The following TBC1D2B variants were observed in gnomAD, a reference collection of about 807,000 sequenced individuals.
TBC1D2B encodes the protein TBC1 domain family member 2B, also known as TBC1 domain family, member 2B.
Under a neutral mutation model 100.8 loss-of-function variants are expected in TBC1D2B, and 64 were observed. The observed-to-expected ratio is 0.64, with a 90% CI of 0.52 to 0.78. The LOEUF (loss-of-function observed/expected upper bound fraction) is 0.78, where lower values mean the gene tolerates loss of function less well. Ranked by LOEUF, TBC1D2B falls within the 30% of genes least tolerant of loss-of-function variation. The pLI, the probability that TBC1D2B is intolerant of heterozygous loss-of-function variation, is 0.00. For synonymous variants in TBC1D2B, 480 were observed against 479.7 expected (o/e 1.00, Z -0.01); for missense variants, 1,052 against 1,218.4 (o/e 0.86, Z 2.03).
chr15:78,069,478 T>C (rs2073712293), intron 1 of TBC1D2B, among the ~76,000 whole-genome samples: 1 of 152,238 alleles, frequency 6.6e-6, no homozygotes, highest in Non-Finnish European at 1.5e-5. Flanking sequence ...CAACCCTTTG[T>C]ACCCAACACG....
chr15:78,064,982 T>C (rs1596330445), intron 1 of TBC1D2B, among the ~76,000 whole-genome samples: 2 of 152,328 alleles, frequency 1.3e-5, no homozygotes, highest in South Asian at 4.1e-4. Context: ...AATTGTATCT[T>C]ATTAAAATAG....
At position 78,006,149 on chromosome 15, in the gene TBC1D2B, C is replaced by T. The variant is rs77661580; in HGVS notation, c.2389-2659G>A. On this transcript the variant is annotated intron_variant, in intron 10 of 12. Coordinates refer to ENST00000300584, the MANE Select transcript of TBC1D2B (RefSeq NM_144572.2). ...GTTGTGATCTACTACATGTGACCCT[C>T]CCCCCAAGTTCCTAACCAATGTGCT... 1.0e-2 allele frequency among the ~76,000 whole-genome samples: 1,516 copies of T among 152,224 alleles called. 34 individuals carry two copies. The highest frequency in any genetic ancestry group is 0.035 in the African/African-American group (1,433 of 41,530).
At chr15:78,025,806 G>T (rs1371319680) in intron 4 of TBC1D2B, among the ~76,000 whole-genome samples, 1 of 152,074 alleles carries the variant, frequency 6.6e-6, no homozygotes, top group Non-Finnish European at 1.5e-5. Flanking sequence ...GATTACAGGC[G>T]TGAGCCACCG....
intron 2 of TBC1D2B, among the ~76,000 whole-genome samples, chr15:78,047,123 T>G (rs2073212672): frequency 6.6e-6 from 1 of 151,544 alleles, no homozygotes; most frequent in Admixed American, 6.6e-5. Flanking sequence ...GACGGTGTGC[T>G]GGGAACAGAA....
In TBC1D2B at chr15:78,040,884, G is replaced by GAAAGAA. The variant is rs1307551330; in HGVS notation, c.683+4015_683+4016insTTCTTT. 6.2e-3 allele frequency among the ~76,000 whole-genome samples: 556 copies of GAAAGAA among 90,194 alleles called. 22 individuals are homozygous for GAAAGAA. The highest frequency in any genetic ancestry group is 0.018 in the African/African-American group (470 of 26,072). 59.2% of individuals were successfully genotyped at this position (90,194 alleles called of 152,430 possible). ...AAAGAAAGAAAGAAAGAAAGAAAGA[G>GAAAGAA]AGAGAGAGAGAAAGAAAGAAAGAAA... On this transcript the variant is annotated intron_variant, in intron 3 of 12. Coordinates refer to ENST00000300584, the MANE Select transcript of TBC1D2B (RefSeq NM_144572.2).
intron 1 of TBC1D2B, chr15:78,066,092 C>T: frequency 2.1e-6 from 1 of 471,038 alleles, no homozygotes; most frequent in Non-Finnish European, 4.4e-6. Flanking sequence ...GCCAAGTGAA[C>T]ACTGTTCCCT....
intron 10 of TBC1D2B, among the ~76,000 whole-genome samples, chr15:78,005,458 T>C (rs964414877): frequency 6.6e-6 from 1 of 152,164 alleles, no homozygotes; most frequent in African/African-American, 2.4e-5. Flanking sequence ...GTGCTCAGGG[T>C]TGACAGCACA....
intron 2 of TBC1D2B, 64 bp downstream of exon 2, chr15:78,053,970 T>C: frequency 2.0e-6 from 3 of 1,498,230 alleles, no homozygotes; most frequent in Non-Finnish European, 2.7e-6. Flanking sequence ...ACTGCTAAGT[T>C]CATATGTGGT....
chr15:78,003,067 C>T, intron 11 of TBC1D2B: 1 of 422,172 alleles, frequency 2.4e-6, no homozygotes, highest in South Asian at 3.2e-5. Context: ...AACTGTAAGC[C>T]ATAGCTCCCA....
intron 3 of TBC1D2B, among the ~76,000 whole-genome samples, chr15:78,033,230 A>G (rs1199492116): frequency 6.6e-6 from 1 of 152,246 alleles, no homozygotes; most frequent in Non-Finnish European, 1.5e-5. Context: ...TGGAGTGCTG[A>G]GGAGAGGACA....
At chr15:78,019,843 C>T (rs1313197147) in intron 6 of TBC1D2B, among the ~76,000 whole-genome samples, 1 of 149,906 alleles carries the variant, frequency 6.7e-6, no homozygotes, top group Non-Finnish European at 1.5e-5. Flanking sequence ...GAGCCAAGAT[C>T]ATGCCACTGC....
intron 3 of TBC1D2B, among the ~76,000 whole-genome samples, chr15:78,040,838 A>AAAAGAAAGAAAGGAAGAAAGAAAG (rs1555420828): frequency 4.2e-4 from 7 of 16,566 alleles, no homozygotes; most frequent in South Asian, 2.5e-3. Flanking sequence ...AAAGAAAGAA[A>AAAAGAAAGAAAGGAAGAAAGAAAG]AAAGAAAGAA....
chr15:78,003,203 A>G (rs1250058502), intron 11 of TBC1D2B, 102 bp downstream of exon 11: 2 of 1,022,950 alleles, frequency 2.0e-6, no homozygotes, highest in East Asian at 4.8e-5. Context: ...CACCATGGTA[A>G]CCCTCATAAG....
chr15:78,013,069 C>T lies in TBC1D2B; in HGVS notation c.2024G>A (p.Cys675Tyr), dbSNP rs1276907978. ...HEHRSKVWKW[C>Y]VDRHTRKFKD... ...GAACTTCCTGGTGTGACGGTCCACA[C>T]ACCACTTCCACACCTTGGAACGGTG... Residue 675 changes from cysteine (C) to tyrosine (Y), a missense_variant, in exon 9 of 13, where the codon TGT (cysteine) becomes TAT (tyrosine). This residue lies in a region of TBC1D2B where 373 missense variants were observed against 464.9 expected (regional missense o/e 0.80). Coordinates refer to ENST00000300584, the MANE Select transcript of TBC1D2B (RefSeq NM_144572.2). 1.2e-6 allele frequency: 2 copies of T among 1,613,892 alleles called. No homozygotes were observed. The highest frequency in any genetic ancestry group is 1.3e-5 in the African/African-American group (1 of 74,912).
At chr15:78,074,318 C>G (rs1360967665) in intron 1 of TBC1D2B, among the ~76,000 whole-genome samples, 2 of 152,122 alleles carry the variant, frequency 1.3e-5, no homozygotes, top group African/African-American at 4.8e-5. Flanking sequence ...CCACCACGCC[C>G]GGCCTTCTCC....
intron 3 of TBC1D2B, among the ~76,000 whole-genome samples, chr15:78,038,878 A>C (rs759051748): frequency 6.6e-6 from 1 of 152,122 alleles, no homozygotes; most frequent in Admixed American, 6.5e-5. Context: ...GGCCCTTCTG[A>C]TATGTGGGCC....
rs531070973 is a variant in TBC1D2B, at chr15:78,048,302, T to G, written c.515-3234A>C. Among the ~76,000 whole-genome samples the G allele has an allele frequency of 2.0e-5, 3 of 152,348 alleles. No individual in the cohort carries two copies. The South Asian group carries it at 6.2e-4, about 32-fold the overall frequency. On this transcript the variant is annotated intron_variant, in intron 2 of 12. Coordinates refer to ENST00000300584, the MANE Select transcript of TBC1D2B (RefSeq NM_144572.2). ...CTGTTATTTTTGTCTGGTTTTTGGT[T>G]TTTAAGAGACCACGTGAGATTTACT...
At chr15:78,021,126 T>C (rs2072505342) in intron 6 of TBC1D2B, among the ~76,000 whole-genome samples, 1 of 152,184 alleles carries the variant, frequency 6.6e-6, no homozygotes, top group South Asian at 2.1e-4. Context: ...TGTTTATTCC[T>C]GCCTCGGAAT....
intron 1 of TBC1D2B, among the ~76,000 whole-genome samples, chr15:78,069,229 G>A (rs542862374): frequency 3.3e-5 from 5 of 152,260 alleles, no homozygotes; most frequent in African/African-American, 1.2e-4. Flanking sequence ...ATGTGCATAT[G>A]AGCAAAGCAA....
Sources: allele counts gnomAD v4.1 joint callset (sites outside exome capture counted in the v4.1 genomes callset), GRCh38; gene constraint gnomAD v4.1.1; regional missense constraint gnomAD v4.1.1; transcripts MANE v1.5; gene names NCBI Gene and HGNC (gene_info 2026-07-23, HGNC 2026-07-21).